RGS5: variants seen among roughly 807,000 people sequenced by gnomAD.
RGS5 encodes regulator of G protein signaling 5, also known as regulator of G-protein signalling 5.
In RGS5, 20 loss-of-function variants were observed where a neutral mutation model predicts 18.9. That is an observed-to-expected ratio of 1.06 (90% confidence interval 0.74 to 1.54). RGS5 has a LOEUF of 1.54. RGS5 is among the 40% of genes most tolerant of loss of function. RGS5 has a pLI of 0.00. For missense variants in RGS5, 201 were observed against 211.8 expected, an observed-to-expected ratio of 0.95 and a Z score of 0.32; for synonymous variants, 57 against 76.2, an observed-to-expected ratio of 0.75 and a Z score of 1.31.
rs552580505 is a variant in RGS5 at position 163,294,074 on chromosome 1, A to C, written c.-281+12159T>G. 9.2e-5 allele frequency among the ~76,000 whole-genome samples: 14 copies of C among 152,286 alleles called. No homozygotes were observed. The South Asian group carries it at 2.7e-3, about 29-fold the overall frequency. ...GTGCCTGTGGCTTTTTCAGGTGTAC[A>C]GGGCAAGATGTCAGTGGATCTACCA... On this transcript the variant is annotated intron_variant, in intron 2 of 5. Transcript: ENST00000618415.
In RGS5 at chr1:163,147,254, C is replaced by T; in HGVS notation, c.*88G>A. The T allele has an allele frequency of 1.4e-6, 2 of 1,388,970 alleles. No individual in the cohort carries two copies. Among genetic ancestry groups the T allele is most frequent in the South Asian group, 1.5e-5 (1 of 65,042 alleles). The allele number at this position is 1,388,970 out of a possible 1,614,324, so 86.0% of individuals were successfully genotyped here. A position where few individuals can be genotyped will look rare whatever the true frequency, so the allele number is the denominator to read the frequency against. On this transcript the variant is annotated 3_prime_UTR_variant, in exon 5 of 5. Coordinates refer to ENST00000313961, the MANE Select transcript of RGS5 (RefSeq NM_003617.4). Reference sequence around the variant, plus strand: ...ATGTGGGTATCACTGAGCAAAGCTGCTGTGGGAAGATATGTAGATTAATGG... The same window carrying T: ...ATGTGGGTATCACTGAGCAAAGCTGTTGTGGGAAGATATGTAGATTAATGG...
At chr1:163,174,626 G>A (rs958255081) in intron 1 of RGS5, among the ~76,000 whole-genome samples, 2 of 152,230 alleles carry the variant, frequency 1.3e-5, no homozygotes, top group African/African-American at 4.8e-5. Flanking sequence ...GAATGGTCAA[G>A]TGGGGCATTT....
At chr1:163,241,404 T>C (rs1647789582) in intron 2 of RGS5, among the ~76,000 whole-genome samples, 1 of 152,176 alleles carries the variant, frequency 6.6e-6, no homozygotes, top group South Asian at 2.1e-4. Context: ...TGCTCTAAAC[T>C]CTTGTTATGT....
At chr1:163,241,628 G>A (rs987576770) in intron 2 of RGS5, among the ~76,000 whole-genome samples, 2 of 151,634 alleles carry the variant, frequency 1.3e-5, no homozygotes, top group Admixed American at 6.6e-5. Context: ...GCTTAATTCA[G>A]ATCATTAAGT....
intron 1 of RGS5, among the ~76,000 whole-genome samples, chr1:163,178,089 G>A (rs1658641608): frequency 6.6e-6 from 1 of 152,090 alleles, no homozygotes; most frequent in Non-Finnish European, 1.5e-5. Flanking sequence ...GATCACCTGA[G>A]GTCAGGAATT....
intron 2 of RGS5, among the ~76,000 whole-genome samples, chr1:163,281,149 A>C (rs988139651): frequency 1.3e-5 from 2 of 152,106 alleles, no homozygotes; most frequent in Non-Finnish European, 2.9e-5. Context: ...TCCATGTAAG[A>C]TGTGACTTGC....
At chr1:163,286,325 G>GGGGAGTAGGGAGTA (rs1219332361) in intron 2 of RGS5, among the ~76,000 whole-genome samples, 5 of 151,962 alleles carry the variant, frequency 3.3e-5, no homozygotes, top group Admixed American at 2.0e-4. Context: ...TAGTATCCTC[G>GGGGAGTAGGGAGTA]GGGAGTAGGG....
intron 2 of RGS5, among the ~76,000 whole-genome samples, chr1:163,233,476 T>C (rs773471588): frequency 5.9e-5 from 9 of 152,242 alleles, no homozygotes; most frequent in Admixed American, 1.3e-4. Context: ...AATTTCAATG[T>C]AAACAGCCAC....
intron 1 of RGS5, among the ~76,000 whole-genome samples, chr1:163,184,256 G>A (rs1658974224): frequency 6.6e-6 from 1 of 152,064 alleles, no homozygotes; most frequent in African/African-American, 2.4e-5. Context: ...AAATAGAAAT[G>A]TAATTTTATG....
chr1:163,213,054 C>T (rs1207797014), intron 1 of RGS5: 1 of 152,030 alleles, frequency 6.6e-6, no homozygotes, highest in South Asian at 2.1e-4. Context: ...ATTTTCTTTA[C>T]TTGTATCCTG....
chr1:163,149,922 C>G (rs899666337), intron 4 of RGS5, among the ~76,000 whole-genome samples: 1 of 152,124 alleles, frequency 6.6e-6, no homozygotes, highest in Non-Finnish European at 1.5e-5. Context: ...TACATATACA[C>G]AAGATGGTTA....
chr1:163,242,133 T>A (rs900233047), intron 2 of RGS5, among the ~76,000 whole-genome samples: 3 of 152,256 alleles, frequency 2.0e-5, no homozygotes, highest in African/African-American at 7.2e-5. Context: ...TCATGTCTTA[T>A]AGATGAGATC....
intron 2 of RGS5, among the ~76,000 whole-genome samples, chr1:163,287,682 C>G (rs1003947329): frequency 3.9e-5 from 6 of 152,174 alleles, no homozygotes; most frequent in Admixed American, 2.0e-4. Flanking sequence ...CATTATGTTT[C>G]TCTTTAATAT....
intron 1 of RGS5, chr1:163,172,727 A>C (rs1326161130): frequency 2.1e-5 from 21 of 982,686 alleles, no homozygotes; most frequent in Admixed American, 3.3e-5. Flanking sequence ...AAGTCTATTA[A>C]ATTTAATTAG....
At chr1:163,187,323 GC>G (rs1259888301) in intron 1 of RGS5, among the ~76,000 whole-genome samples, 1 of 152,144 alleles carries the variant, frequency 6.6e-6, no homozygotes, top group Non-Finnish European at 1.5e-5. Context: ...AATGGCTATG[GC>G]CCCCTAGTCA....
intron 2 of RGS5, among the ~76,000 whole-genome samples, chr1:163,166,108 T>C (rs1269368465): frequency 1.7e-5 from 1 of 57,764 alleles, no homozygotes; most frequent in African/African-American, 7.2e-5. Context: ...GAGAAAGGCA[T>C]AGAAGCAGGA....
At chr1:163,155,613 T>C (rs542365893) in intron 3 of RGS5, among the ~76,000 whole-genome samples, 40 of 152,318 alleles carry the variant, frequency 2.6e-4, no homozygotes, top group Non-Finnish European at 4.3e-4. Flanking sequence ...CCACTATCTC[T>C]GTTTAGTTCC....
chr1:163,321,344 C>T (rs981030314), intron 1 of RGS5: 4 of 152,206 alleles, frequency 2.6e-5, no homozygotes, highest in African/African-American at 9.7e-5. Context: ...ACCAGATGAA[C>T]TGTTATGTTC....
intron 2 of RGS5, among the ~76,000 whole-genome samples, chr1:163,236,550 C>T (rs1185517031): frequency 6.6e-6 from 1 of 152,082 alleles, no homozygotes; most frequent in Non-Finnish European, 1.5e-5. Flanking sequence ...ATGGCTTTCC[C>T]TCACAGTTAG....
Sources: allele counts gnomAD v4.1 joint callset (sites outside exome capture counted in the v4.1 genomes callset), GRCh38; gene constraint gnomAD v4.1.1; transcripts MANE v1.5; gene names NCBI Gene and HGNC (gene_info 2026-07-23, HGNC 2026-07-21).